The following ANKS1A variants were observed in gnomAD, a reference collection of about 807,000 sequenced individuals.
ANKS1A encodes ankyrin repeat and SAM domain-containing protein 1A.
In ANKS1A, 55 loss-of-function variants were observed where a neutral mutation model predicts 120.3. The observed-to-expected ratio is 0.46, with a 90% CI of 0.37 to 0.57. The LOEUF is 0.57. Among genes scored for constraint, ANKS1A ranks in the 20% least tolerant of loss-of-function variants. ANKS1A has a pLI of 0.00. For missense variants in ANKS1A, 1,123 were observed against 1,480.3 expected, an observed-to-expected ratio of 0.76 and a Z score of 3.96; for synonymous variants, 590 against 604.7, an observed-to-expected ratio of 0.98 and a Z score of 0.36.
In ANKS1A at chr6:35,017,373, T is replaced by C; in HGVS notation, c.1424-100T>C. 4 of 1,260,388 alleles carry C rather than the reference T, an allele frequency of 3.2e-6. No homozygotes were observed. In the South Asian group the frequency reaches 4.5e-5, roughly 14 times the overall value. The allele number at this position is 1,260,388 out of a possible 1,614,324, so 78.1% of individuals were successfully genotyped here. A position where few individuals can be genotyped will look rare whatever the true frequency, so the allele number is the denominator to read the frequency against. ...TATCCAGTTTCTCTCTCTGTTTCTCTGTGAATTCCTCTGCTTTGCCATATG... is the reference window on the plus strand; with the variant it reads ...TATCCAGTTTCTCTCTCTGTTTCTCCGTGAATTCCTCTGCTTTGCCATATG... On this transcript the variant is annotated intron_variant, in intron 10 of 23. Coordinates refer to ENST00000360359, the MANE Select transcript of ANKS1A (RefSeq NM_015245.3).
intron 13 of ANKS1A, among the ~76,000 whole-genome samples, chr6:35,064,998 G>A (rs910723149): frequency 2.0e-5 from 3 of 152,156 alleles, no homozygotes; most frequent in East Asian, 1.9e-4. Context: ...GTAATTCCTC[G>A]GTATCCCAGG....
rs777807488 is a variant in ANKS1A, at chr6:35,017,615, C to T, written c.1566C>T (p.Thr522=). The change falls in exon 11 of 24, where the codon ACC becomes ACT. Residue 522 remains threonine, a synonymous_variant. Transcript: ENST00000360359. The part of the protein sequence containing the change: ...VGQDPFQLLC[T]AGQSHPDGSP... ...AGGACCCTTTCCAGCTGCTCTGTACCGCTGGCCAGAGCCATCCAGACGGGT... is the reference window on the plus strand; with the variant it reads ...AGGACCCTTTCCAGCTGCTCTGTACTGCTGGCCAGAGCCATCCAGACGGGT... 6.3e-5 allele frequency: 101 copies of T among 1,613,734 alleles called. No homozygotes were observed. The East Asian group carries it at 1.1e-3, about 17-fold the overall frequency.
intron 11 of ANKS1A, among the ~76,000 whole-genome samples, chr6:35,042,481 G>A (rs1775509799): frequency 6.6e-6 from 1 of 152,220 alleles, no homozygotes; most frequent in Admixed American, 6.5e-5. Context: ...AGCCCACCCA[G>A]TGCTTAGTAC....
chr6:35,004,886 A>G (rs1773375744), intron 10 of ANKS1A, among the ~76,000 whole-genome samples: 1 of 152,264 alleles, frequency 6.6e-6, no homozygotes, highest in Non-Finnish European at 1.5e-5. Context: ...AAAAGTGACT[A>G]TGTGAAATTC....
At chr6:34,966,422 C>G (rs1442091844) in intron 1 of ANKS1A, among the ~76,000 whole-genome samples, 1 of 152,194 alleles carries the variant, frequency 6.6e-6, no homozygotes, top group Non-Finnish European at 1.5e-5. Context: ...TTACAAGTTA[C>G]AGAGTATCTA....
chr6:34,950,518 C>T (rs1453100258), intron 1 of ANKS1A, among the ~76,000 whole-genome samples: 8 of 151,970 alleles, frequency 5.3e-5, no homozygotes, highest in African/African-American at 1.9e-4. Context: ...TGTGAGCCAC[C>T]GCGCCCGGCC....
chr6:35,072,256 C>T (rs918452570), intron 13 of ANKS1A, among the ~76,000 whole-genome samples: 7 of 152,242 alleles, frequency 4.6e-5, no homozygotes, highest in African/African-American at 7.2e-5. Context: ...TCTCCCAGGA[C>T]GCCCGGGGCC....
At chr6:34,958,594 C>G (rs922788516) in intron 1 of ANKS1A, among the ~76,000 whole-genome samples, 1 of 152,224 alleles carries the variant, frequency 6.6e-6, no homozygotes, top group African/African-American at 2.4e-5. Flanking sequence ...AAACACCCAT[C>G]TGATTATTCC....
At chr6:35,076,868 G>C (rs1050373436) in intron 13 of ANKS1A, among the ~76,000 whole-genome samples, 2 of 152,164 alleles carry the variant, frequency 1.3e-5, no homozygotes, top group African/African-American at 4.8e-5. Flanking sequence ...GACTTCAGGT[G>C]ATCCACCTGC....
chr6:35,041,138 T>C (rs992897468), intron 11 of ANKS1A, among the ~76,000 whole-genome samples: 2 of 152,204 alleles, frequency 1.3e-5, no homozygotes, highest in Non-Finnish European at 2.9e-5. Flanking sequence ...TGGGTCTTGG[T>C]CAAACGTTAA....
At chr6:35,045,465 A>G (rs1775674859) in intron 11 of ANKS1A, among the ~76,000 whole-genome samples, 1 of 152,240 alleles carries the variant, frequency 6.6e-6, no homozygotes, top group East Asian at 1.9e-4. Context: ...TCCACAACTA[A>G]TTAGGTGGCA....
At position 35,049,951 on chromosome 6, in the gene ANKS1A, C is replaced by T. The variant is rs867645282; in HGVS notation, c.2011-4148C>T. ...GAAGACCCATCAAAACTCTTTCTTT[C>T]CCCTCCTTCAACTCCCAGTATTTAT... is the stretch of plus-strand genomic sequence containing the variant. On this transcript the variant is annotated intron_variant, in intron 11 of 23. Transcript: ENST00000360359. Among the ~76,000 whole-genome samples, 7 of 152,306 alleles carry T rather than the reference C, an allele frequency of 4.6e-5. No individual in the cohort carries two copies. The Middle Eastern group carries it at 0.024, about 518-fold the overall frequency.
rs1319129256 is a variant in ANKS1A at position 35,086,137 on chromosome 6, A to G, written c.3303+201A>G. On this transcript the variant is annotated intron_variant, in intron 22 of 23. Coordinates refer to ENST00000360359, the MANE Select transcript of ANKS1A (RefSeq NM_015245.3). The surrounding 1 kb of genome is among the most constrained non-coding windows in gnomAD (Gnocchi z 5.1). ...CTCCTCTGGCCTGGGCGGGCCTCTC[A>G]TGCTCCTGTTTCCCTCCCTCGCTGG... 3 of 1,174,918 alleles carry G rather than the reference A, an allele frequency of 2.6e-6. No homozygotes were observed. The highest frequency in any genetic ancestry group is 3.1e-5 in the African/African-American group (2 of 65,292). The allele number at this position is 1,174,918 out of a possible 1,614,324, so 72.8% of individuals were successfully genotyped here.
In ANKS1A at chr6:35,075,465, G is replaced by A. The variant is rs190666378; in HGVS notation, c.2185-3093G>A. Among the ~76,000 whole-genome samples the A allele has an allele frequency of 3.0e-3, 449 of 149,286 alleles. 4 individuals are homozygous for A. Among genetic ancestry groups the A allele is most frequent in the African/African-American group, 0.01 (411 of 40,366 alleles). On this transcript the variant is annotated intron_variant, in intron 13 of 23. Coordinates refer to ENST00000360359, the MANE Select transcript of ANKS1A (RefSeq NM_015245.3). ...GAGTCTCGTTCTGTCACCCAGGCTG[G>A]AGTGCAGTGGCGCGATCTCAGCTCA...
At chr6:35,070,804 C>T (rs1298848541) in intron 13 of ANKS1A, 2 of 474,528 alleles carry the variant, frequency 4.2e-6, no homozygotes. Context: ...TATCTTAACC[C>T]AGACACCCCT....
chr6:35,076,945 A>G (rs770955996), intron 13 of ANKS1A, among the ~76,000 whole-genome samples: 2 of 152,154 alleles, frequency 1.3e-5, no homozygotes, highest in Non-Finnish European at 2.9e-5. Context: ...AGTCCCTATT[A>G]CTAAATGGCT....
chr6:35,015,016 C>G (rs529776270), intron 10 of ANKS1A, among the ~76,000 whole-genome samples: 1 of 152,316 alleles, frequency 6.6e-6, no homozygotes, highest in African/African-American at 2.4e-5. Flanking sequence ...TATTCGTAGC[C>G]ATGAGTCGTG....
chr6:35,059,639 A>C (rs1776384914), intron 12 of ANKS1A, among the ~76,000 whole-genome samples: 1 of 152,156 alleles, frequency 6.6e-6, no homozygotes, highest in Non-Finnish European at 1.5e-5. Context: ...TTATGCTGCA[A>C]GGTCGCAGAA....
rs547159496 is a variant in ANKS1A, at chr6:34,895,703, C to A, written c.197+6104C>A. On this transcript the variant is annotated intron_variant, in intron 1 of 23. Coordinates refer to ENST00000360359, the MANE Select transcript of ANKS1A (RefSeq NM_015245.3). ...CAAAAACAAGATAAAATGCAACTAT[C>A]CACTAGCATAGCAGTTTTCTGGGTC... Among the ~76,000 whole-genome samples the A allele has an allele frequency of 1.3e-4, 20 of 151,800 alleles. No individual in the cohort carries two copies. The South Asian group carries it at 3.7e-3, about 28-fold the overall frequency.
Sources: gnomAD v4.1 joint callset for allele counts (sites outside exome capture counted in the v4.1 genomes callset) on GRCh38, gnomAD v4.1.1 for gene constraint, Gnocchi (gnomAD v3.1) non-coding constraint, MANE v1.5 for transcripts, NCBI Gene and HGNC (gene_info 2026-07-23, HGNC 2026-07-21) for gene names.